Variants in CA10 observed in about 807,000 individuals in gnomAD.
The protein encoded by CA10 is carbonic anhydrase-related protein 10.
In CA10, 14 loss-of-function variants were observed where a neutral mutation model predicts 44.2. The ratio of observed to expected loss-of-function variants is 0.32; its 90% CI spans 0.21 to 0.50. The LOEUF (loss-of-function observed/expected upper bound fraction) is 0.50, where lower values mean the gene tolerates loss of function less well. Among genes scored for constraint, CA10 ranks in the 20% least tolerant of loss-of-function variants. The pLI is 0.99. For synonymous variants in CA10, 159 were observed against 141.6 expected (o/e 1.12, Z -0.87); for missense variants, 350 against 409.7 (o/e 0.85, Z 1.26).
chr17:51,644,150 G>T (rs534179764), intron 6 of CA10, among the ~76,000 whole-genome samples: 2 of 143,618 alleles, frequency 1.4e-5, no homozygotes, highest in East Asian at 4.2e-4. Flanking sequence ...TGGCTCAAAA[G>T]AATGATTTTG....
intron 2 of CA10, among the ~76,000 whole-genome samples, chr17:52,052,194 C>T (rs1280735749): frequency 6.6e-6 from 1 of 151,350 alleles, no homozygotes; most frequent in Non-Finnish European, 1.5e-5. Flanking sequence ...AGGCTTAATA[C>T]CCGGGTGATT....
chr17:52,152,506 T>C (rs939367362), intron 1 of CA10, among the ~76,000 whole-genome samples: 9 of 152,090 alleles, frequency 5.9e-5, no homozygotes, highest in Non-Finnish European at 1.0e-4. Context: ...ATCAATCTAA[T>C]ATACTCCTTT....
chr17:51,878,906 GTGTGTGTA>G (rs1237302475), intron 3 of CA10, among the ~76,000 whole-genome samples: 4 of 119,524 alleles, frequency 3.3e-5, no homozygotes, highest in Non-Finnish European at 5.2e-5. Flanking sequence ...GTGTGTGTGT[GTGTGTGTA>G]TGTGTGTATG....
chr17:51,712,922 C>T (rs1157110885), intron 4 of CA10, among the ~76,000 whole-genome samples: 2 of 152,214 alleles, frequency 1.3e-5, no homozygotes, highest in African/African-American at 4.8e-5. Flanking sequence ...TTTGTCTGCA[C>T]AGGACACACA....
At chr17:51,866,620 A>G (rs1979558012) in intron 3 of CA10, among the ~76,000 whole-genome samples, 1 of 152,156 alleles carries the variant, frequency 6.6e-6, no homozygotes, top group Non-Finnish European at 1.5e-5. Flanking sequence ...CCTTCATTGA[A>G]CTAACACTCA....
At chr17:51,744,158 G>GA (rs1598022380) in intron 4 of CA10, among the ~76,000 whole-genome samples, 1 of 151,704 alleles carries the variant, frequency 6.6e-6, no homozygotes, top group Admixed American at 6.6e-5. Flanking sequence ...CACCTGTACT[G>GA]AAAAAAATTA....
At chr17:52,114,926 C>T (rs897894017) in intron 1 of CA10, among the ~76,000 whole-genome samples, 6 of 152,186 alleles carry the variant, frequency 3.9e-5, no homozygotes, top group African/African-American at 1.4e-4. Context: ...TCCACTGGGG[C>T]CCCCTAATGC....
intron 4 of CA10, among the ~76,000 whole-genome samples, chr17:51,685,934 C>T (rs1914993581): frequency 6.6e-6 from 1 of 152,224 alleles, no homozygotes. Flanking sequence ...AGCTCCTTGC[C>T]AGCTCCTCTG....
intron 3 of CA10, among the ~76,000 whole-genome samples, chr17:51,806,190 C>G (rs1907129064): frequency 6.6e-6 from 1 of 152,136 alleles, no homozygotes; most frequent in African/African-American, 2.4e-5. Context: ...CCTCAATCCT[C>G]ATTTAAAGAA....
chr17:51,679,349 T>A (rs933243172), intron 4 of CA10, among the ~76,000 whole-genome samples: 10 of 144,790 alleles, frequency 6.9e-5, no homozygotes, highest in Non-Finnish European at 1.2e-4. Context: ...AAGCTCCGCC[T>A]CCCGGGTTCA....
chr17:51,710,571 C>A (rs1008997195), intron 4 of CA10, among the ~76,000 whole-genome samples: 1 of 152,116 alleles, frequency 6.6e-6, no homozygotes, highest in Non-Finnish European at 1.5e-5. Flanking sequence ...GGGGTGTTAC[C>A]ACAGGAGGTG....
chr17:52,023,288 C>T (rs961224255), intron 2 of CA10, among the ~76,000 whole-genome samples: 15 of 152,058 alleles, frequency 9.9e-5, no homozygotes, highest in African/African-American at 2.9e-4. Context: ...AAATAGAGAG[C>T]CCAGAAATAA....
intron 3 of CA10, among the ~76,000 whole-genome samples, chr17:51,920,319 A>C (rs1021734283): frequency 6.6e-6 from 1 of 152,116 alleles, no homozygotes; most frequent in Non-Finnish European, 1.5e-5. Flanking sequence ...AGGAAGTGAA[A>C]GGACAGGGAA....
intron 6 of CA10, among the ~76,000 whole-genome samples, chr17:51,641,801 C>T (rs1913100982): frequency 6.6e-6 from 1 of 151,384 alleles, no homozygotes. Flanking sequence ...TTTTTTCAGT[C>T]TGCATTTAAC....
At position 51,717,656 on chromosome 17, in the gene CA10, C is replaced by T. The variant is rs1351830871; in HGVS notation, c.465+29977G>A. 3.5e-4 allele frequency among the ~76,000 whole-genome samples: 9 copies of T among 25,658 alleles called. 1 individual carries two copies. The highest frequency in any genetic ancestry group is 7.5e-4 in the African/African-American group (7 of 9,282). The allele number at this position is 25,658 out of a possible 152,430, so 16.8% of individuals were successfully genotyped here. A position where few individuals can be genotyped will look rare whatever the true frequency, so the allele number is the denominator to read the frequency against. ...ATATGCATGTATATATACATATATA[C>T]GTATATATACATGTATATATGTATA... On this transcript the variant is annotated intron_variant, in intron 4 of 8. Transcript: ENST00000451037.
At chr17:52,107,154 G>A (rs755639514) in intron 1 of CA10, among the ~76,000 whole-genome samples, 4 of 152,130 alleles carry the variant, frequency 2.6e-5, no homozygotes, top group Admixed American at 6.5e-5. Context: ...CAGGCACAAG[G>A]CCCCTTTTTA....
At chr17:52,060,773 C>T (rs1000402937) in intron 2 of CA10, among the ~76,000 whole-genome samples, 2 of 152,112 alleles carry the variant, frequency 1.3e-5, no homozygotes, top group African/African-American at 4.8e-5. Context: ...CAAGAAGTAT[C>T]ACCTGTTAAT....
chr17:52,150,224 C>T (rs1034207242), intron 1 of CA10, among the ~76,000 whole-genome samples: 2 of 152,118 alleles, frequency 1.3e-5, no homozygotes, highest in African/African-American at 4.8e-5. Context: ...CTTTAACATC[C>T]TTGGAGACTC....
chr17:51,674,846 T>C (rs1162813286), intron 4 of CA10, among the ~76,000 whole-genome samples: 1 of 152,174 alleles, frequency 6.6e-6, no homozygotes, highest in Non-Finnish European at 1.5e-5. Context: ...CTGTTTAAGG[T>C]CCTGTTATTC....
Sources: allele counts gnomAD v4.1 joint callset (sites outside exome capture counted in the v4.1 genomes callset), GRCh38; gene constraint gnomAD v4.1.1; transcripts MANE v1.5; gene names NCBI Gene and HGNC (gene_info 2026-07-23, HGNC 2026-07-21).